The following MGST3 variants were observed in gnomAD, a reference collection of about 807,000 sequenced individuals.
MGST3 encodes the protein glutathione S-transferase 3, mitochondrial.
A neutral mutation model predicts 15.8 loss-of-function variants in MGST3; 13 were observed. That is an observed-to-expected ratio of 0.82 (90% CI 0.54 to 1.31). The LOEUF (loss-of-function observed/expected upper bound fraction) is 1.31, where lower values mean the gene tolerates loss of function less well. Among genes scored for constraint, MGST3 ranks in the 50% most tolerant of loss-of-function variants. The pLI is 0.00. For missense variants in MGST3, 155 were observed against 192.4 expected, an observed-to-expected ratio of 0.81 and a Z score of 1.15; for synonymous variants, 49 against 68.1, an observed-to-expected ratio of 0.72 and a Z score of 1.38.
chr1:165,655,258 A>C, intron 5 of MGST3, 110 bp from the exon 6 acceptor site: 2 of 1,403,586 alleles, frequency 1.4e-6, no homozygotes, highest in Non-Finnish European at 2.0e-6. Flanking sequence ...TCCTAAGGCC[A>C]GTTTGTCTAA....
At chr1:165,651,358 C>A in intron 3 of MGST3, 1 of 508,938 alleles carries the variant, frequency 2.0e-6, no homozygotes, top group Non-Finnish European at 3.6e-6. Flanking sequence ...CATGACCCAT[C>A]TAAACCGATG....
intron 1 of MGST3, among the ~76,000 whole-genome samples, chr1:165,644,347 A>G (rs1382713579): frequency 1.3e-5 from 2 of 152,224 alleles, no homozygotes; most frequent in Non-Finnish European, 2.9e-5. Flanking sequence ...TGTACTGAAT[A>G]CCATAGGCAA....
intron 1 of MGST3, among the ~76,000 whole-genome samples, chr1:165,634,377 G>C (rs922935508): frequency 3.9e-5 from 6 of 152,162 alleles, no homozygotes; most frequent in African/African-American, 1.2e-4. Flanking sequence ...TAGGGATGCT[G>C]TGAGGATCTA....
chr1:165,632,197 G>A (rs779836424), intron 1 of MGST3: 3 of 1,593,202 alleles, frequency 1.9e-6, no homozygotes, highest in Admixed American at 1.7e-5. Flanking sequence ...GGTAGAAGGA[G>A]AGGCAGGGGT....
Position 165,654,161 on chromosome 1 carries a change from T to C in MGST3, c.250-118T>C, listed in dbSNP as rs899211147. 32 of 940,450 alleles carry C rather than the reference T, an allele frequency of 3.4e-5. No homozygotes were observed. In the African/African-American group the frequency reaches 4.7e-4, roughly 14 times the overall value. The allele number at this position is 940,450 out of a possible 1,614,324, so 58.3% of individuals were successfully genotyped here. ...TCTACCTAATTTGCGTGGGGAGTAG[T>C]TGGCCAAATCATCAAATTGTTAACT... is the stretch of plus-strand genomic sequence containing the variant. On this transcript the variant is annotated intron_variant, in intron 4 of 5. Transcript: ENST00000367889.
In MGST3 at chr1:165,655,546, C is replaced by T. The variant is rs552488954; in HGVS notation, c.*42C>T. The T allele has an allele frequency of 1.1e-5, 18 of 1,611,664 alleles. No individual in the cohort carries two copies. The South Asian group carries it at 2.0e-4, about 18-fold the overall frequency. On this transcript the variant is annotated 3_prime_UTR_variant, in exon 6 of 6. Transcript: ENST00000367889. ...AAAAACTCTCATTCATTTTAAATGA[C>T]TTACCTTTATTTCCAGTTACATTTT...
intron 1 of MGST3, 52 bp from the exon 2 acceptor site, chr1:165,649,789 A>G: frequency 5.0e-6 from 8 of 1,612,610 alleles, no homozygotes; most frequent in South Asian, 4.4e-5. Flanking sequence ...GCTTCACACC[A>G]TGAAATAGCC....
chr1:165,646,572 T>C (rs1041674456), intron 1 of MGST3: 1 of 152,072 alleles, frequency 6.6e-6, no homozygotes, highest in Non-Finnish European at 1.5e-5. Flanking sequence ...TCAATAGATA[T>C]TGAGGGAAGA....
chr1:165,643,614 C>T (rs1288962499), intron 1 of MGST3, among the ~76,000 whole-genome samples: 2 of 151,102 alleles, frequency 1.3e-5, no homozygotes, highest in Non-Finnish European at 2.9e-5. Flanking sequence ...ACCTGTAATC[C>T]CAGTACTTTG....
At chr1:165,635,181 A>G (rs1571146814) in intron 1 of MGST3, among the ~76,000 whole-genome samples, 1 of 152,112 alleles carries the variant, frequency 6.6e-6, no homozygotes, top group African/African-American at 2.4e-5. Context: ...TGGGAAGCTC[A>G]GCTCCAAAGG....
At chr1:165,632,844 A>G (rs1647991384) in intron 1 of MGST3, among the ~76,000 whole-genome samples, 2 of 152,154 alleles carry the variant, frequency 1.3e-5, no homozygotes, top group African/African-American at 4.8e-5. Context: ...ACATACAGGA[A>G]AGAAGGGCTT....
At chr1:165,637,981 A>G (rs1014454025) in intron 1 of MGST3, among the ~76,000 whole-genome samples, 6 of 152,146 alleles carry the variant, frequency 3.9e-5, no homozygotes, top group African/African-American at 1.4e-4. Flanking sequence ...TTACCAGGGC[A>G]TGTTAGTCTC....
In MGST3 at chr1:165,655,722, C is replaced by G; in HGVS notation, c.*218C>G. 1 of 584,140 alleles carries G rather than the reference C, an allele frequency of 1.7e-6. No individual in the cohort carries two copies. The highest frequency in any genetic ancestry group is 3.0e-6 in the Non-Finnish European group (1 of 334,576). 36.2% of individuals were successfully genotyped at this position (584,140 alleles called of 1,614,324 possible). On this transcript the variant is annotated 3_prime_UTR_variant, in exon 6 of 6. Coordinates refer to ENST00000367889, the MANE Select transcript of MGST3 (RefSeq NM_004528.4). ...AGCCACAAGTATTGTGCCCTCTCCTCACCCTTCCAGCAGATGCTTCTGTAG... is the reference window on the plus strand; with the variant it reads ...AGCCACAAGTATTGTGCCCTCTCCTGACCCTTCCAGCAGATGCTTCTGTAG...
chr1:165,653,463 C>A (rs1457505825), intron 4 of MGST3, among the ~76,000 whole-genome samples: 1 of 152,102 alleles, frequency 6.6e-6, no homozygotes, highest in Non-Finnish European at 1.5e-5. Flanking sequence ...TTTGTTTCAC[C>A]CTCCTGTTGA....
At chr1:165,638,380 G>T (rs542202205) in intron 1 of MGST3, among the ~76,000 whole-genome samples, 1 of 151,992 alleles carries the variant, frequency 6.6e-6, no homozygotes, top group South Asian at 2.1e-4. Context: ...CTTTGAGGCA[G>T]AAGGATTGCT....
At chr1:165,640,266 GTCT>G (rs1428305458) in intron 1 of MGST3, among the ~76,000 whole-genome samples, 2 of 152,000 alleles carry the variant, frequency 1.3e-5, no homozygotes, top group African/African-American at 4.8e-5. Context: ...GAAGAAGTCA[GTCT>G]TCTGCTGGGC....
At chr1:165,632,864 T>C (rs1162964351) in intron 1 of MGST3, among the ~76,000 whole-genome samples, 1 of 151,992 alleles carries the variant, frequency 6.6e-6, no homozygotes, top group Non-Finnish European at 1.5e-5. Context: ...TTACCCACTA[T>C]TCAGAGAAAT....
At chr1:165,653,366 C>T (rs1648616760) in intron 4 of MGST3, among the ~76,000 whole-genome samples, 1 of 152,158 alleles carries the variant, frequency 6.6e-6, no homozygotes, top group African/African-American at 2.4e-5. Flanking sequence ...CCTAGGTTGC[C>T]AGTCATTAGG....
chr1:165,635,247 C>G (rs1648075617), intron 1 of MGST3, among the ~76,000 whole-genome samples: 1 of 152,078 alleles, frequency 6.6e-6, no homozygotes, highest in African/African-American at 2.4e-5. Flanking sequence ...CCTTCTGTGT[C>G]AAGAATCTGG....
Sources: allele counts gnomAD v4.1 joint callset (sites outside exome capture counted in the v4.1 genomes callset), GRCh38; gene constraint gnomAD v4.1.1; transcripts MANE v1.5; gene names NCBI Gene and HGNC (gene_info 2026-07-23, HGNC 2026-07-21).